The following COG3 variants were observed in gnomAD, a reference collection of about 807,000 sequenced individuals.
COG3 encodes conserved oligomeric Golgi complex subunit 3.
A neutral mutation model predicts 114.1 loss-of-function variants in COG3; 32 were observed. That is an observed-to-expected ratio of 0.28 (90% CI 0.21 to 0.38). COG3 has a LOEUF of 0.38. COG3 is among the 10% of genes least tolerant of loss of function. COG3 has a pLI of 1.00. For synonymous variants in COG3, 352 were observed against 365.7 expected (o/e 0.96, Z 0.43); for missense variants, 813 against 973.2 (o/e 0.84, Z 2.19).
intron 2 of COG3, 72 bp downstream of exon 2, chr13:45,476,419 A>G (rs1885866443): frequency 1.4e-6 from 2 of 1,447,628 alleles, no homozygotes; most frequent in East Asian, 4.6e-5. Context: ...ATAAAGTCCT[A>G]ATTAAAAGTT....
chr13:45,533,641 G>A (rs1224343914), intron 22 of COG3, among the ~76,000 whole-genome samples: 2 of 152,072 alleles, frequency 1.3e-5, no homozygotes, highest in Admixed American at 6.6e-5. Context: ...TCAGAGTCCC[G>A]GTACCGTTCC....
At chr13:45,511,738 G>T (rs1870893123) in intron 15 of COG3, 27 bp from the exon 16 acceptor site, 1 of 1,571,244 alleles carries the variant, frequency 6.4e-7, no homozygotes, top group African/African-American at 1.4e-5. Flanking sequence ...AATGCCACAG[G>T]CTGATTATTC....
chr13:45,492,432 G>A lies in COG3; in HGVS notation c.1187+182G>A, dbSNP rs561792851. ...TCTTAAAAGTTATTTTCTTAAATGTGCAACTTAACATGCTTTTGTATTGTT... is the reference window on the plus strand; with the variant it reads ...TCTTAAAAGTTATTTTCTTAAATGTACAACTTAACATGCTTTTGTATTGTT... On this transcript the variant is annotated intron_variant, in intron 11 of 22. Transcript: ENST00000349995. Among the ~76,000 whole-genome samples the A allele has an allele frequency of 3.4e-4, 50 of 145,198 alleles. No homozygotes were observed. In the South Asian group the frequency reaches 0.011, roughly 31 times the overall value.
At position 45,476,317 on chromosome 13, in the gene COG3, G is replaced by A; in HGVS notation, c.291G>A (p.Met97Ile). The A allele has an allele frequency of 6.2e-7, 1 of 1,612,816 alleles. No homozygotes were observed. The highest frequency in any genetic ancestry group is 8.5e-7 in the Non-Finnish European group (1 of 1,179,158). ...ILLKGFTSLG[M>I]EEERIETAQQ... is the part of the protein sequence containing the mutation. ...TGAAGGGCTTCACTTCCTTAGGAATGGAAGAAGAAAGAATTGAAACCGCAC... is the reference window on the plus strand; with the variant it reads ...TGAAGGGCTTCACTTCCTTAGGAATAGAAGAAGAAAGAATTGAAACCGCAC... Residue 97 changes from methionine to isoleucine, a missense_variant, in exon 2 of 23, where the codon ATG becomes ATA. By Grantham distance (10) the Met-to-Ile change is conservative. Coordinates refer to ENST00000349995, the MANE Select transcript of COG3 (RefSeq NM_031431.4).
At chr13:45,475,963 C>T (rs1472354330) in intron 1 of COG3, among the ~76,000 whole-genome samples, 4 of 136,408 alleles carry the variant, frequency 2.9e-5, no homozygotes, top group African/African-American at 1.1e-4. Flanking sequence ...GACCCTGTCA[C>T]CAAAAAAAAA....
chr13:45,530,910 A>G, intron 22 of COG3, 130 bp downstream of exon 22: 3 of 1,326,928 alleles, frequency 2.3e-6, no homozygotes, highest in Non-Finnish European at 1.9e-6. Context: ...TATTCTGATG[A>G]GTAAGAATTC....
chr13:45,473,809 T>C (rs1885675681), intron 1 of COG3, among the ~76,000 whole-genome samples: 1 of 150,990 alleles, frequency 6.6e-6, no homozygotes, highest in Admixed American at 6.6e-5. Context: ...GCGGCTTATC[T>C]CAGCACAGCT....
intron 8 of COG3, among the ~76,000 whole-genome samples, chr13:45,488,324 C>T (rs1010922825): frequency 4.6e-5 from 7 of 151,978 alleles, no homozygotes; most frequent in Non-Finnish European, 8.8e-5. Flanking sequence ...AGTAGGATGA[C>T]TGTAGTTAAC....
chr13:45,496,361 A>G, intron 13 of COG3, 49 bp downstream of exon 13: 1 of 1,313,980 alleles, frequency 7.6e-7, no homozygotes, highest in Non-Finnish European at 9.8e-7. Context: ...CAGCTTTTAG[A>G]TGTTTTATTT....
In COG3 at chr13:45,481,233, G is replaced by A. The variant is rs767026011; in HGVS notation, c.553G>A (p.Glu185Lys). 3.2e-6 allele frequency: 5 copies of A among 1,580,266 alleles called. No individual in the cohort carries two copies. Among genetic ancestry groups the A allele is most frequent in the Non-Finnish European group, 4.3e-6 (5 of 1,153,380 alleles). The part of the protein sequence containing the change: ...ACEQLLKEQS[E>K]LVDLAENIQQ... ...TTTCTCTTTTAAAAAATGCAAGTCG[G>A]AACTTGTTGATCTGGCTGAAAACAT... is the stretch of plus-strand genomic sequence containing the variant. The change falls in exon 5 of 23, where the codon GAA (glutamate) becomes AAA (lysine). Residue 185 changes from glutamate to lysine, a missense_variant. Transcript: ENST00000349995.
At chr13:45,534,463 T>G (rs1331297269) in intron 22 of COG3, 2 of 367,050 alleles carry the variant, frequency 5.4e-6, no homozygotes, top group Non-Finnish European at 4.8e-6. Context: ...ATCTTGGTCT[T>G]TTTCTCTCAT....
chr13:45,512,820 G>T (rs539489173), intron 16 of COG3, among the ~76,000 whole-genome samples: 2 of 152,056 alleles, frequency 1.3e-5, no homozygotes, highest in Non-Finnish European at 2.9e-5. Context: ...TCACCATGTT[G>T]CACAGGCTGG....
intron 1 of COG3, among the ~76,000 whole-genome samples, chr13:45,468,887 A>G (rs1275542587): frequency 6.6e-6 from 1 of 152,234 alleles, no homozygotes; most frequent in Non-Finnish European, 1.5e-5. Flanking sequence ...AGAGGTCAGA[A>G]CAGGAAAGTG....
chr13:45,528,377 G>A (rs1379029118), intron 20 of COG3, among the ~76,000 whole-genome samples: 2 of 151,932 alleles, frequency 1.3e-5, no homozygotes, highest in Non-Finnish European at 2.9e-5. Context: ...TTCTTTCTTG[G>A]ATGAGATCCA....
At chr13:45,470,147 G>C (rs1885384758) in intron 1 of COG3, among the ~76,000 whole-genome samples, 1 of 152,134 alleles carries the variant, frequency 6.6e-6, no homozygotes, top group South Asian at 2.1e-4. Flanking sequence ...ATTTTAAAAT[G>C]TTGCATATTA....
intron 21 of COG3, 74 bp from the exon 22 acceptor site, chr13:45,530,608 T>C: frequency 1.1e-6 from 1 of 914,606 alleles, no homozygotes; most frequent in South Asian, 1.3e-5. Context: ...GCAAATATCA[T>C]TACAATTTAA....
intron 13 of COG3, among the ~76,000 whole-genome samples, chr13:45,502,735 T>C (rs1456470916): frequency 6.6e-6 from 1 of 152,158 alleles, no homozygotes; most frequent in Non-Finnish European, 1.5e-5. Context: ...ACCCAAACAG[T>C]GTACACTGTA....
chr13:45,518,329 G>A (rs564724955), intron 17 of COG3, among the ~76,000 whole-genome samples: 5 of 152,242 alleles, frequency 3.3e-5, no homozygotes, highest in East Asian at 1.9e-4. Flanking sequence ...GGGTAAATAC[G>A]TCCTTTTGGT....
intron 1 of COG3, among the ~76,000 whole-genome samples, chr13:45,475,247 TG>T (rs931471035): frequency 1.3e-5 from 2 of 152,160 alleles, no homozygotes; most frequent in African/African-American, 2.4e-5. Flanking sequence ...TCTGTCACCC[TG>T]GGTGGGTGGC....
Sources: gnomAD v4.1 joint callset for allele counts (sites outside exome capture counted in the v4.1 genomes callset) on GRCh38, gnomAD v4.1.1 for gene constraint, MANE v1.5 for transcripts, NCBI Gene and HGNC (gene_info 2026-07-23, HGNC 2026-07-21) for gene names.